The following TTI1 variants were observed in gnomAD, a reference collection of about 807,000 sequenced individuals.
TTI1 encodes TELO2-interacting protein 1 homolog.
A neutral mutation model predicts 85.4 loss-of-function variants in TTI1; 52 were observed. The ratio of observed to expected loss-of-function variants is 0.61; its 90% CI spans 0.49 to 0.77. The LOEUF (loss-of-function observed/expected upper bound fraction) is 0.77, where lower values mean the gene tolerates loss of function less well. Ranked by LOEUF, TTI1 falls within the 30% of genes least tolerant of loss-of-function variation. The probability of loss-of-function intolerance (pLI) is 0.00; values close to 1 mark genes in which losing one functional copy is unlikely to be tolerated. For missense variants in TTI1, 1,173 were observed against 1,296.0 expected, an observed-to-expected ratio of 0.91 and a Z score of 1.46; for synonymous variants, 512 against 503.9, an observed-to-expected ratio of 1.02 and a Z score of -0.22.
intron 1 of TTI1, among the ~76,000 whole-genome samples, chr20:38,032,367 A>C (rs775543449): frequency 1.1e-4 from 16 of 152,228 alleles, no homozygotes; most frequent in Non-Finnish European, 1.2e-4. Context: ...ATAAGAGCAA[A>C]AGCAGGCATC....
At position 38,012,358 on chromosome 20, in the gene TTI1, G is replaced by A; in HGVS notation, c.1459C>T (p.Leu487Phe). The A allele has an allele frequency of 3.1e-6, 5 of 1,614,176 alleles. No homozygotes were observed. The highest frequency in any genetic ancestry group is 4.2e-6 in the Non-Finnish European group (5 of 1,180,042). The stretch of plus-strand genomic sequence containing the variant: ...AGTAGCTGACAAACCTGCCTCAAGA[G>A]CATGAAGATTCTCTCATCAGTGAAG... ...RFFTDERIFM[L>F]LRQVCQLLGY... The change falls in exon 2 of 8, where the codon CTC becomes TTC. Residue 487 changes from leucine to phenylalanine, a missense_variant. Coordinates refer to ENST00000373447, the MANE Select transcript of TTI1 (RefSeq NM_001303457.2).
chr20:38,032,819 ACAAG>A (rs368239807), intron 1 of TTI1, among the ~76,000 whole-genome samples: 161 of 152,262 alleles, frequency 1.1e-3, no homozygotes, highest in African/African-American at 3.8e-3. Context: ...GGTTGGGATT[ACAAG>A]CAAGAGACGT....
At chr20:37,997,358 A>G (rs2073357319) in intron 5 of TTI1, among the ~76,000 whole-genome samples, 1 of 152,082 alleles carries the variant, frequency 6.6e-6, no homozygotes, top group Non-Finnish European at 1.5e-5. Flanking sequence ...TAGCTAGCTG[A>G]GCAAACACAA....
rs1399861607 is a variant in TTI1 at position 37,996,422 on chromosome 20, A to G, written c.3039T>C (p.Ile1013=). Reference sequence around the variant, plus strand: ...TCACGGGCTGTTTGACACTGAGGTAAATCAAGCAGGCATCAGCCACTTTAT... The same window carrying G: ...TCACGGGCTGTTTGACACTGAGGTAGATCAAGCAGGCATCAGCCACTTTAT... ...DLNKVADACL[I]YLSVKQPVKL... The change falls in exon 7 of 8, where the codon ATT becomes ATC. Residue 1013 remains isoleucine, a synonymous_variant. Coordinates refer to ENST00000373447, the MANE Select transcript of TTI1 (RefSeq NM_001303457.2). 1 of 1,614,098 alleles carries G rather than the reference A, an allele frequency of 6.2e-7. No individual in the cohort carries two copies. Among genetic ancestry groups the G allele is most frequent in the East Asian group, 2.2e-5 (1 of 44,882 alleles).
intron 1 of TTI1, among the ~76,000 whole-genome samples, chr20:38,024,493 C>T (rs2073811303): frequency 6.6e-6 from 1 of 151,966 alleles, no homozygotes; most frequent in Admixed American, 6.6e-5. Flanking sequence ...CCTCATAGAC[C>T]CAAGCCCTGG....
At chr20:37,993,236 T>G (rs1391062911) in intron 7 of TTI1, among the ~76,000 whole-genome samples, 1 of 134,974 alleles carries the variant, frequency 7.4e-6, no homozygotes, top group Non-Finnish European at 1.5e-5. Context: ...GGAAGATTTA[T>G]GCCCCCTCCA....
intron 1 of TTI1, among the ~76,000 whole-genome samples, chr20:38,016,986 G>A (rs903627287): frequency 1.3e-5 from 2 of 152,132 alleles, no homozygotes; most frequent in African/African-American, 4.8e-5. Flanking sequence ...TCTCTAACCT[G>A]CAATCATGTA....
Position 38,002,704 on chromosome 20 carries a change from T to C in TTI1, c.2576A>G (p.Gln859Arg), listed in dbSNP as rs2073442924. Reference sequence around the variant, plus strand: ...CATCACGTCCATGGCTATTTGGATCTGCAATGGCAGTGGTGGCTCCACATC... The same window carrying C: ...CATCACGTCCATGGCTATTTGGATCCGCAATGGCAGTGGTGGCTCCACATC... ...RPDVEPPLPL[Q>R]IQIAMDVMER... The change falls in exon 4 of 8, where the codon CAG becomes CGG. Residue 859 changes from glutamine to arginine, a missense_variant. Coordinates refer to ENST00000373447, the MANE Select transcript of TTI1 (RefSeq NM_001303457.2). 6.2e-7 allele frequency: 1 copy of C among 1,614,252 alleles called. No individual in the cohort carries two copies. The highest frequency in any genetic ancestry group is 8.5e-7 in the Non-Finnish European group (1 of 1,180,054).
At chr20:37,988,392 G>C (rs1163302272) in intron 7 of TTI1, among the ~76,000 whole-genome samples, 2 of 152,324 alleles carry the variant, frequency 1.3e-5, no homozygotes, top group East Asian at 3.9e-4. Flanking sequence ...TCTGCTGCAG[G>C]AGCGAATATT....
intron 2 of TTI1, 115 bp downstream of exon 2, chr20:38,011,400 G>T (rs990754903): frequency 8.4e-7 from 1 of 1,191,060 alleles, no homozygotes. Context: ...GAGAGAAAAT[G>T]ATTAAAACGT....
At chr20:38,002,577 A>G in intron 4 of TTI1, 51 bp downstream of exon 4, 1 of 1,599,702 alleles carries the variant, frequency 6.3e-7, no homozygotes, top group Non-Finnish European at 8.6e-7. Flanking sequence ...CAACCAGGCC[A>G]CACCTTAGTC....
At chr20:38,009,537 CCT>C (rs1267924199) in intron 2 of TTI1, among the ~76,000 whole-genome samples, 7 of 151,710 alleles carry the variant, frequency 4.6e-5, no homozygotes. Flanking sequence ...AGACAGTCTT[CCT>C]CTGTCACCCA....
At chr20:38,022,919 G>A (rs1357722750) in intron 1 of TTI1, among the ~76,000 whole-genome samples, 1 of 151,930 alleles carries the variant, frequency 6.6e-6, no homozygotes, top group Non-Finnish European at 1.5e-5. Context: ...TGATTTCCAT[G>A]AATTTTATCT....
intron 7 of TTI1, among the ~76,000 whole-genome samples, chr20:37,996,002 A>T (rs1361098242): frequency 6.6e-6 from 1 of 152,190 alleles, no homozygotes; most frequent in African/African-American, 2.4e-5. Context: ...CATATGCCAT[A>T]TCAGGAACCC....
chr20:38,003,930 T>C (rs960368744), intron 3 of TTI1, among the ~76,000 whole-genome samples: 2 of 152,146 alleles, frequency 1.3e-5, no homozygotes, highest in East Asian at 3.9e-4. Flanking sequence ...GAACTTCTGA[T>C]GGCCAGAATC....
At chr20:38,022,477 C>G (rs753171888) in intron 1 of TTI1, among the ~76,000 whole-genome samples, 1 of 152,190 alleles carries the variant, frequency 6.6e-6, no homozygotes, top group African/African-American at 2.4e-5. Context: ...TTTTGGCACA[C>G]AGTAGGTATT....
intron 1 of TTI1, among the ~76,000 whole-genome samples, chr20:38,030,478 A>T (rs992367766): frequency 5.3e-5 from 8 of 152,054 alleles, no homozygotes; most frequent in Non-Finnish European, 1.0e-4. Context: ...TCTCATGAGT[A>T]TAGATGCAAA....
At chr20:38,014,070 C>A (rs1349378621) in intron 1 of TTI1, among the ~76,000 whole-genome samples, 1 of 152,162 alleles carries the variant, frequency 6.6e-6, no homozygotes. Context: ...CAGGCCTAAG[C>A]TTACAGTCCT....
intron 1 of TTI1, among the ~76,000 whole-genome samples, chr20:38,016,921 C>T (rs1232108533): frequency 1.3e-5 from 2 of 152,220 alleles, no homozygotes; most frequent in African/African-American, 4.8e-5. Context: ...GGCCTTTCAC[C>T]ATCAGGCTTC....
Sources: allele counts gnomAD v4.1 joint callset (sites outside exome capture counted in the v4.1 genomes callset), GRCh38; gene constraint gnomAD v4.1.1; transcripts MANE v1.5; gene names NCBI Gene and HGNC (gene_info 2026-07-23, HGNC 2026-07-21).